KANK1: variants seen among roughly 807,000 people sequenced by gnomAD.
The protein encoded by KANK1 is KN motif and ankyrin repeat domains 1, also known as KN motif and ankyrin repeat domain-containing protein 1.
In KANK1, 109 loss-of-function variants were observed where a neutral mutation model predicts 106.2. The ratio of observed to expected loss-of-function variants is 1.03; its 90% CI spans 0.88 to 1.20. The LOEUF is 1.20. Ranked by LOEUF, KANK1 falls within the 50% of genes most tolerant of loss-of-function variation. The pLI, the probability that KANK1 is intolerant of heterozygous loss-of-function variation, is 0.00. For missense variants in KANK1, 2,399 were observed against 1,710.7 expected (o/e 1.40, Z -7.10); for synonymous variants, 873 against 652.2 (o/e 1.34, Z -5.16).
chr9:659,805 G>A (rs1461498669), intron 1 of KANK1, among the ~76,000 whole-genome samples: 2 of 151,984 alleles, frequency 1.3e-5, no homozygotes, highest in East Asian at 1.9e-4. Context: ...CCAGCACGGA[G>A]GATTATAACT....
Position 676,952 on chromosome 9 carries a change from T to G in KANK1, c.-21T>G. 3 of 1,611,680 alleles carry G rather than the reference T, an allele frequency of 1.9e-6. No individual in the cohort carries two copies. The highest frequency in any genetic ancestry group is 2.5e-6 in the Non-Finnish European group (3 of 1,178,340). The stretch of plus-strand genomic sequence containing the variant: ...ATGACTCCTCACTCCTTTCTGGATC[T>G]CTCATTGGACTCAAGCCAGCATGGC... On this transcript the variant is annotated 5_prime_UTR_variant, in exon 2 of 12. Coordinates refer to ENST00000382297, the MANE Select transcript of KANK1 (RefSeq NM_015158.5).
intron 1 of KANK1, among the ~76,000 whole-genome samples, chr9:581,217 C>T (rs1350787076): frequency 6.6e-6 from 1 of 152,148 alleles, no homozygotes; most frequent in East Asian, 1.9e-4. Flanking sequence ...CAGAGAGGGG[C>T]TCCCACAGTG....
chr9:624,819 A>G (rs1282153826), intron 1 of KANK1, among the ~76,000 whole-genome samples: 1 of 151,928 alleles, frequency 6.6e-6, no homozygotes, highest in Non-Finnish European at 1.5e-5. Context: ...CAAAAACAAT[A>G]TCCCCTTTAA....
At chr9:618,855 T>C (rs1040690308) in intron 1 of KANK1, among the ~76,000 whole-genome samples, 1 of 152,124 alleles carries the variant, frequency 6.6e-6, no homozygotes, top group South Asian at 2.1e-4. Flanking sequence ...TGAGGCAAAA[T>C]TGTCTCCACC....
intron 1 of KANK1, among the ~76,000 whole-genome samples, chr9:581,002 C>T (rs545795641): frequency 6.8e-4 from 104 of 152,052 alleles, no homozygotes; most frequent in African/African-American, 2.4e-3. Flanking sequence ...CCCTCCGCAG[C>T]TGCTGGCTGG....
chr9:632,500 A>T (rs925394124), intron 1 of KANK1, among the ~76,000 whole-genome samples: 1 of 152,176 alleles, frequency 6.6e-6, no homozygotes, highest in Non-Finnish European at 1.5e-5. Context: ...ACTGGTGAAG[A>T]TGGAGGTTTT....
chr9:534,296 G>A (rs2060197611), intron 1 of KANK1, among the ~76,000 whole-genome samples: 1 of 152,170 alleles, frequency 6.6e-6, no homozygotes, highest in African/African-American at 2.4e-5. Flanking sequence ...TTTGAAACTT[G>A]TTCTTTTTTT....
At chr9:531,841 C>T (rs1039915133) in intron 1 of KANK1, among the ~76,000 whole-genome samples, 2 of 152,128 alleles carry the variant, frequency 1.3e-5, no homozygotes, top group African/African-American at 4.8e-5. Flanking sequence ...AATGTGGCTG[C>T]TTCTGTGTGT....
At chr9:739,135 C>A (rs1377062793) in intron 8 of KANK1, among the ~76,000 whole-genome samples, 1 of 152,200 alleles carries the variant, frequency 6.6e-6, no homozygotes, top group Non-Finnish European at 1.5e-5. Context: ...ACATCTTAGA[C>A]ATGAAGTGAG....
intron 3 of KANK1, chr9:484,582 C>G (rs2058259651): frequency 6.6e-6 from 1 of 152,172 alleles, no homozygotes; most frequent in African/African-American, 2.4e-5. Context: ...TCCTTTGAAG[C>G]CACAGTCAAA....
At chr9:606,614 GTATATATT>G (rs1304648423) in intron 1 of KANK1, among the ~76,000 whole-genome samples, 9 of 83,658 alleles carry the variant, frequency 1.1e-4, no homozygotes, top group Non-Finnish European at 1.5e-4. Flanking sequence ...GTGTGTGTGT[GTATATATT>G]TATATATTTA....
chr9:576,202 C>G (rs1031143422), intron 1 of KANK1, among the ~76,000 whole-genome samples: 4 of 152,190 alleles, frequency 2.6e-5, no homozygotes, highest in African/African-American at 9.7e-5. Flanking sequence ...CCACATACTT[C>G]TGATTCATGA....
At chr9:722,324 T>TCG (rs373165989) in intron 3 of KANK1, among the ~76,000 whole-genome samples, 148 of 152,270 alleles carry the variant, frequency 9.7e-4, no homozygotes, top group African/African-American at 3.4e-3. Context: ...TCTCTCTCTC[T>TCG]CTCTCTGTCT....
chr9:608,034 AT>A (rs35949327), intron 1 of KANK1, among the ~76,000 whole-genome samples: 4 of 115,354 alleles, frequency 3.5e-5, no homozygotes, highest in Non-Finnish European at 6.6e-5. Flanking sequence ...TATTATTATT[AT>A]TTTTTTTTTT....
intron 1 of KANK1, among the ~76,000 whole-genome samples, chr9:672,618 GTA>G (rs958411626): frequency 1.3e-5 from 2 of 152,148 alleles, no homozygotes; most frequent in African/African-American, 4.8e-5. Context: ...CAGTGCTAGA[GTA>G]TATATCAAAT....
At chr9:542,198 A>G (rs1345599569) in intron 1 of KANK1, among the ~76,000 whole-genome samples, 1 of 151,934 alleles carries the variant, frequency 6.6e-6, no homozygotes, top group Non-Finnish European at 1.5e-5. Context: ...GGGAAATGCA[A>G]ATTAAAACCA....
chr9:534,845 T>G (rs763001225), intron 1 of KANK1, among the ~76,000 whole-genome samples: 1 of 152,228 alleles, frequency 6.6e-6, no homozygotes, highest in African/African-American at 2.4e-5. Context: ...TTCTATAAGT[T>G]TATGTAAAAT....
Position 712,028 on chromosome 9 carries a change from C to G in KANK1, c.1262C>G (p.Ser421Cys). The G allele has an allele frequency of 6.2e-7, 1 of 1,614,082 alleles. No individual in the cohort carries two copies. Among genetic ancestry groups the G allele is most frequent in the Non-Finnish European group, 8.5e-7 (1 of 1,180,018 alleles). ...DIVVYHRGSRSCKDAAVGTLV... is the reference protein window; with the variant it reads ...DIVVYHRGSRCCKDAAVGTLV... The stretch of plus-strand genomic sequence containing the variant: ...GTCGTGTACCACAGAGGCTCCAGGT[C>G]CTGTAAGGATGCAGCTGTAGGGACA... The change falls in exon 3 of 12, where the codon TCC (serine) becomes TGC (cysteine). Residue 421 changes from serine (S) to cysteine (C), a missense_variant. Transcript: ENST00000382297.
intron 1 of KANK1, among the ~76,000 whole-genome samples, chr9:573,764 T>C (rs1272386280): frequency 6.7e-6 from 1 of 149,618 alleles, no homozygotes; most frequent in African/African-American, 2.5e-5. Flanking sequence ...TTCGAAATCC[T>C]GAGTGAAAAG....
Sources: gnomAD v4.1 joint callset for allele counts (sites outside exome capture counted in the v4.1 genomes callset) on GRCh38, gnomAD v4.1.1 for gene constraint, MANE v1.5 for transcripts, NCBI Gene and HGNC (gene_info 2026-07-23, HGNC 2026-07-21) for gene names.